The following IGF2R variants were observed in gnomAD, a reference collection of about 807,000 sequenced individuals.
The protein encoded by IGF2R is insulin like growth factor 2 receptor.
IGF2R carries 91 observed loss-of-function variants against 270.6 expected under a neutral mutation model. The ratio of observed to expected loss-of-function variants is 0.34; its 90% CI spans 0.28 to 0.40. The LOEUF (loss-of-function observed/expected upper bound fraction) is 0.40, where lower values mean the gene tolerates loss of function less well. Ranked by LOEUF, IGF2R falls within the 10% of genes least tolerant of loss-of-function variation. The pLI, the probability that IGF2R is intolerant of heterozygous loss-of-function variation, is 1.00. For synonymous variants in IGF2R, 1,316 were observed against 1,258.9 expected (o/e 1.05, Z -0.96); for missense variants, 2,805 against 3,188.3 (o/e 0.88, Z 2.90).
In IGF2R at chr6:160,038,541, C is replaced by T. The variant is rs149107714; in HGVS notation, c.1316-2019C>T. 7.7e-4 allele frequency among the ~76,000 whole-genome samples: 117 copies of T among 152,236 alleles called. 2 individuals are homozygous for T. Among genetic ancestry groups the T allele is most frequent in the Admixed American group, 2.0e-3 (31 of 15,290 alleles). On this transcript the variant is annotated intron_variant, in intron 10 of 47. Transcript: ENST00000356956. ...GTATTTAATTATTTGTAAACTTACA[C>T]GTTTTTCTTCACGTTTGCAGAATAC...
At chr6:160,056,972 A>G (rs148671206) in intron 20 of IGF2R, among the ~76,000 whole-genome samples, 3 of 152,248 alleles carry the variant, frequency 2.0e-5, no homozygotes, top group Non-Finnish European at 2.9e-5. Context: ...GATCCTGTCT[A>G]TAGGGTAAGG....
rs149521981 is a variant in IGF2R, at chr6:159,987,720, C to T, written c.150-3464C>T. 4.8e-3 allele frequency among the ~76,000 whole-genome samples: 724 copies of T among 152,244 alleles called. 10 individuals carry two copies. The highest frequency in any genetic ancestry group is 0.016 in the African/African-American group (683 of 41,536). On this transcript the variant is annotated intron_variant, in intron 1 of 47. Transcript: ENST00000356956. ...TTTGTTTTAAAGGAGACATAATGTC[C>T]GTTGAAACATCAGAATGTTTTAAGT...
rs1779184074 is a variant in IGF2R, at chr6:160,090,012, C to T, written c.6564C>T (p.Cys2188=). 1.2e-6 allele frequency: 2 copies of T among 1,606,316 alleles called. No homozygotes were observed. The highest frequency in any genetic ancestry group is 1.1e-5 in the South Asian group (1 of 89,340). Residue 2188 remains cysteine, a synonymous_variant, in exon 44 of 48, where the codon TGC becomes TGT. Coordinates refer to ENST00000356956, the MANE Select transcript of IGF2R (RefSeq NM_000876.4). The part of the protein sequence containing the change: ...SSITSSRNPA[C]SGANICQVKP... ...TCACAAGCTCCAGAAACCCGGCGTG[C>T]TCTGGAGCCAACATATGCCAGGTGA... is the stretch of plus-strand genomic sequence containing the variant.
chr6:160,093,333 G>A (rs567546589), intron 44 of IGF2R: 3 of 254,436 alleles, frequency 1.2e-5, no homozygotes, highest in Non-Finnish European at 2.3e-5. Flanking sequence ...AAGGAGCAAG[G>A]CCAGCCCTCT....
Position 159,975,128 on chromosome 6 carries a change from C to T in IGF2R, c.149+5733C>T, listed in dbSNP as rs888752449. ...TGGGGCTCAGTTCCCGAGACCGCTC[C>T]CCACCCCACACCAGTCACAAGTCCG... is the stretch of plus-strand genomic sequence containing the variant. On this transcript the variant is annotated intron_variant, in intron 1 of 47. Transcript: ENST00000356956. Among the ~76,000 whole-genome samples, 4 of 152,270 alleles carry T rather than the reference C, an allele frequency of 2.6e-5. No individual in the cohort carries two copies. In the East Asian group the frequency reaches 7.7e-4, roughly 29 times the overall value.
Position 160,056,747 on chromosome 6 carries a change from C to G in IGF2R, c.2796+222C>G, listed in dbSNP as rs550623069. Among the ~76,000 whole-genome samples, 3 of 152,364 alleles carry G rather than the reference C, an allele frequency of 2.0e-5. No homozygotes were observed. In the South Asian group the frequency reaches 6.2e-4, roughly 32 times the overall value. On this transcript the variant is annotated intron_variant, in intron 20 of 47. Coordinates refer to ENST00000356956, the MANE Select transcript of IGF2R (RefSeq NM_000876.4). ...GTCCCTCAGTCTTACTCTCTGCTCACTGTAGTTTCCTTCCTTTTGTTTCCA... is the reference window on the plus strand; with the variant it reads ...GTCCCTCAGTCTTACTCTCTGCTCAGTGTAGTTTCCTTCCTTTTGTTTCCA...
intron 29 of IGF2R, among the ~76,000 whole-genome samples, chr6:160,066,948 C>T (rs912040471): frequency 6.6e-6 from 1 of 152,188 alleles, no homozygotes. Flanking sequence ...GCTGCCACTC[C>T]GAGGTCTCCT....
rs116729773 is a variant in IGF2R at position 160,072,696 on chromosome 6, G to A, written c.4571-69G>A. The A allele has an allele frequency of 1.0e-3, 1,600 of 1,578,704 alleles. 5 individuals carry two copies. In the African/African-American group the frequency reaches 0.015, roughly 15 times the overall value. On this transcript the variant is annotated intron_variant, in intron 32 of 47. Transcript: ENST00000356956. Reference sequence around the variant, plus strand: ...GCTGACATAATCTGTGTGTGAGCTCGCCGATGATGAGCCTCCCAAGTCTCA... The same window carrying A: ...GCTGACATAATCTGTGTGTGAGCTCACCGATGATGAGCCTCCCAAGTCTCA...
At chr6:160,094,676 A>T (rs1403315980) in intron 44 of IGF2R, 1 of 152,264 alleles carries the variant, frequency 6.6e-6, no homozygotes, top group Admixed American at 6.5e-5. Flanking sequence ...AGGTGGGCAG[A>T]TCACGAGGTC....
At chr6:160,064,691 GT>G in intron 28 of IGF2R, 112 bp from the exon 29 acceptor site, 1 of 1,104,148 alleles carries the variant, frequency 9.1e-7, no homozygotes, top group East Asian at 2.4e-5. Context: ...TCATCAGTTA[GT>G]ATTGATTTTC....
intron 1 of IGF2R, among the ~76,000 whole-genome samples, chr6:159,984,312 T>TAG (rs1783847672): frequency 6.6e-6 from 1 of 152,216 alleles, no homozygotes; most frequent in African/African-American, 2.4e-5. Context: ...CATTGTAATG[T>TAG]CGTAGCACAA....
chr6:160,072,446 A>G (rs1207559334), intron 32 of IGF2R, among the ~76,000 whole-genome samples: 1 of 152,176 alleles, frequency 6.6e-6, no homozygotes, highest in Non-Finnish European at 1.5e-5. Context: ...AGGCACAGGC[A>G]CAGTCCATTG....
In IGF2R at chr6:160,064,384, G is replaced by T. The variant is rs369514327; in HGVS notation, c.3887-17G>T. ...GGACCCGAACCAAACCTTGTTTAAT[G>T]TTCTCCTTCTTTACAGGTCTCCTGA... On this transcript the variant is annotated splice_polypyrimidine_tract_variant and intron_variant, in intron 27 of 47. Transcript: ENST00000356956. 2 of 1,614,110 alleles carry T rather than the reference G, an allele frequency of 1.2e-6. No homozygotes were observed. Among genetic ancestry groups the T allele is most frequent in the South Asian group, 2.2e-5 (2 of 91,080 alleles).
intron 4 of IGF2R, among the ~76,000 whole-genome samples, chr6:160,012,996 C>T (rs1422127466): frequency 5.3e-5 from 8 of 151,768 alleles, no homozygotes; most frequent in Non-Finnish European, 1.0e-4. Context: ...GTGGAGGCTG[C>T]GGTGACAGTG....
At chr6:159,996,371 G>T (rs1784053830) in intron 2 of IGF2R, among the ~76,000 whole-genome samples, 1 of 152,168 alleles carries the variant, frequency 6.6e-6, no homozygotes, top group Admixed American at 6.5e-5. Flanking sequence ...GTTTAATGGG[G>T]GAAGCTCTGT....
intron 39 of IGF2R, among the ~76,000 whole-genome samples, chr6:160,083,202 T>G (rs1317510248): frequency 6.6e-6 from 1 of 152,200 alleles, no homozygotes; most frequent in Non-Finnish European, 1.5e-5. Flanking sequence ...ATATCATAAT[T>G]AAGTTTAAGG....
intron 1 of IGF2R, among the ~76,000 whole-genome samples, chr6:159,970,156 T>G (rs745375816): frequency 1.3e-5 from 2 of 151,458 alleles, no homozygotes; most frequent in African/African-American, 2.4e-5. Context: ...ATCAGTCCCA[T>G]CGAGGGCTGT....
intron 2 of IGF2R, 42 bp downstream of exon 2, chr6:159,991,365 TCCC>T: frequency 1.3e-6 from 2 of 1,587,160 alleles, no homozygotes; most frequent in Admixed American, 3.6e-5. Context: ...GCAATATGAT[TCCC>T]CAATTTTGCA....
At chr6:160,096,924 T>C (rs1779374196) in intron 45 of IGF2R, among the ~76,000 whole-genome samples, 1 of 152,190 alleles carries the variant, frequency 6.6e-6, no homozygotes, top group Admixed American at 6.5e-5. Context: ...ACCCCAGCTC[T>C]GTCCCTCTAC....
Sources: allele counts gnomAD v4.1 joint callset (sites outside exome capture counted in the v4.1 genomes callset), GRCh38; gene constraint gnomAD v4.1.1; transcripts MANE v1.5; gene names NCBI Gene and HGNC (gene_info 2026-07-23, HGNC 2026-07-21).